LRRC28: variants seen among roughly 807,000 people sequenced by gnomAD.
LRRC28 encodes leucine-rich repeat-containing protein 28.
Under a neutral mutation model 45.7 loss-of-function variants are expected in LRRC28, and 39 were observed. The observed-to-expected ratio is 0.85, with a 90% CI of 0.66 to 1.12. The LOEUF is 1.12. Among genes scored for constraint, LRRC28 ranks in the 50% most tolerant of loss-of-function variants. The pLI is 0.00. For synonymous variants in LRRC28, 206 were observed against 178.8 expected, an observed-to-expected ratio of 1.15 and a Z score of -1.22; for missense variants, 435 against 438.5, an observed-to-expected ratio of 0.99 and a Z score of 0.07.
intron 5 of LRRC28, among the ~76,000 whole-genome samples, chr15:99,318,973 C>T (rs1211756052): frequency 1.3e-5 from 2 of 152,014 alleles, no homozygotes; most frequent in African/African-American, 4.8e-5. Context: ...AATGTATATG[C>T]ACTAAAATGT....
chr15:99,332,530 C>T (rs1956193070), intron 5 of LRRC28, among the ~76,000 whole-genome samples: 1 of 152,116 alleles, frequency 6.6e-6, no homozygotes, highest in South Asian at 2.1e-4. Context: ...ATCAGCAAAC[C>T]TTTTCTGTAA....
At chr15:99,258,160 A>G in intron 2 of LRRC28, 1 of 1,612,552 alleles carries the variant, frequency 6.2e-7, no homozygotes, top group Non-Finnish European at 8.5e-7. Flanking sequence ...AAATGACTGA[A>G]GCACAGGAAG....
At chr15:99,259,975 A>G in intron 2 of LRRC28, 1 of 643,876 alleles carries the variant, frequency 1.6e-6, no homozygotes, top group East Asian at 2.7e-5. Context: ...ATGAAGAAAA[A>G]CAAGAAACAG....
chr15:99,381,202 C>T (rs960359739), intron 9 of LRRC28, among the ~76,000 whole-genome samples: 3 of 152,148 alleles, frequency 2.0e-5, no homozygotes, highest in African/African-American at 4.8e-5. Context: ...TTCACATAGT[C>T]CCATATTTCT....
chr15:99,310,017 A>G (rs1955344950), intron 5 of LRRC28, among the ~76,000 whole-genome samples: 1 of 152,212 alleles, frequency 6.6e-6, no homozygotes, highest in Non-Finnish European at 1.5e-5. Context: ...AGAATCAGTC[A>G]GAGACTTCTG....
At chr15:99,376,689 C>G (rs914480237) in intron 9 of LRRC28, among the ~76,000 whole-genome samples, 5 of 152,060 alleles carry the variant, frequency 3.3e-5, no homozygotes, top group Non-Finnish European at 7.4e-5. Context: ...TGCTATCCCT[C>G]CCACTTCCCC....
chr15:99,370,284 A>C (rs1274045515), intron 9 of LRRC28, among the ~76,000 whole-genome samples: 2 of 152,248 alleles, frequency 1.3e-5, no homozygotes, highest in East Asian at 3.8e-4. Flanking sequence ...ATGAGTTTAA[A>C]TATACTTTCA....
At chr15:99,309,954 T>C (rs1281622009) in intron 5 of LRRC28, among the ~76,000 whole-genome samples, 4 of 152,194 alleles carry the variant, frequency 2.6e-5, no homozygotes, top group Non-Finnish European at 4.4e-5. Context: ...GTTGCTGTGT[T>C]TGAGGCACAA....
intron 5 of LRRC28, among the ~76,000 whole-genome samples, chr15:99,321,420 A>G (rs1567660872): frequency 6.6e-6 from 1 of 152,166 alleles, no homozygotes; most frequent in Non-Finnish European, 1.5e-5. Context: ...TGCGTAAGAG[A>G]CTGGGGCTAT....
chr15:99,288,129 T>C (rs118082005), intron 5 of LRRC28, among the ~76,000 whole-genome samples, 178 bp downstream of exon 5: 4 of 152,294 alleles, frequency 2.6e-5, no homozygotes, highest in Non-Finnish European at 5.9e-5. Flanking sequence ...GTGATGCAAA[T>C]GTAAGAAGGT....
chr15:99,280,803 ACCCTGTTCCTGGC>A (rs1160819880), intron 3 of LRRC28, among the ~76,000 whole-genome samples: 3 of 151,926 alleles, frequency 2.0e-5, no homozygotes, highest in Admixed American at 2.0e-4. Flanking sequence ...TTATTTATAT[ACCCTGTTCCTGGC>A]CCCTGCTTGT....
At chr15:99,350,211 T>C (rs1956834558) in intron 6 of LRRC28, among the ~76,000 whole-genome samples, 1 of 151,840 alleles carries the variant, frequency 6.6e-6, no homozygotes, top group African/African-American at 2.4e-5. Context: ...CCTATAAGGA[T>C]GGCAAAAATT....
chr15:99,295,676 C>G (rs1251993666), intron 5 of LRRC28, among the ~76,000 whole-genome samples: 1 of 152,152 alleles, frequency 6.6e-6, no homozygotes, highest in Non-Finnish European at 1.5e-5. Context: ...ATAAATCAGC[C>G]TATTTTTAAA....
At chr15:99,287,160 T>C in intron 3 of LRRC28, 97 bp from the exon 4 acceptor site, 1 of 1,050,446 alleles carries the variant, frequency 9.5e-7, no homozygotes, top group Non-Finnish European at 1.4e-6. Flanking sequence ...TGTGGCCTAT[T>C]TATATTTGAT....
chr15:99,374,102 T>C (rs184861579), intron 9 of LRRC28, among the ~76,000 whole-genome samples: 1 of 152,318 alleles, frequency 6.6e-6, no homozygotes, highest in African/African-American at 2.4e-5. Flanking sequence ...TTTCCACTGA[T>C]TTTTAGAATA....
chr15:99,327,993 T>C (rs1262685958), intron 5 of LRRC28, among the ~76,000 whole-genome samples: 1 of 152,234 alleles, frequency 6.6e-6, no homozygotes, highest in African/African-American at 2.4e-5. Context: ...AAGTGTGTTG[T>C]TTAATTTCCA....
At chr15:99,304,587 C>T (rs528222524) in intron 5 of LRRC28, among the ~76,000 whole-genome samples, 8 of 152,020 alleles carry the variant, frequency 5.3e-5, no homozygotes, top group East Asian at 1.9e-4. Context: ...TGCACCAACA[C>T]GCCCGGCTCA....
intron 3 of LRRC28, chr15:99,284,685 A>G (rs183603957): frequency 5.2e-5 from 27 of 515,904 alleles, no homozygotes; most frequent in African/African-American, 5.0e-4. Context: ...CTTTGGTTTC[A>G]TGGTTTGGCC....
chr15:99,282,452 C>A (rs952064079), intron 3 of LRRC28, among the ~76,000 whole-genome samples: 1 of 152,090 alleles, frequency 6.6e-6, no homozygotes, highest in Non-Finnish European at 1.5e-5. Flanking sequence ...TCATGCACAG[C>A]ATAATTATGT....
Sources: allele counts gnomAD v4.1 joint callset (sites outside exome capture counted in the v4.1 genomes callset), GRCh38; gene constraint gnomAD v4.1.1; transcripts MANE v1.5; gene names NCBI Gene and HGNC (gene_info 2026-07-23, HGNC 2026-07-21).